Variants in NUP98 observed in about 807,000 individuals in gnomAD.
The protein encoded by NUP98 is nucleoporin 98 and 96 precursor.
NUP98 carries 26 observed loss-of-function variants against 191.9 expected under a neutral mutation model. The observed-to-expected ratio is 0.14, with a 90% CI of 0.10 to 0.19. The LOEUF is 0.19. Among genes scored for constraint, NUP98 ranks in the 10% least tolerant of loss-of-function variants. The pLI, the probability that NUP98 is intolerant of heterozygous loss-of-function variation, is 1.00. For synonymous variants in NUP98, 808 were observed against 778.4 expected (o/e 1.04, Z -0.63); for missense variants, 1,941 against 2,178.8 (o/e 0.89, Z 2.17).
At chr11:3,715,912 G>C (rs2079164807) in intron 18 of NUP98, among the ~76,000 whole-genome samples, 1 of 152,114 alleles carries the variant, frequency 6.6e-6, no homozygotes, top group African/African-American at 2.4e-5. Context: ...CATCTTCTTT[G>C]CTCATTTTTT....
intron 22 of NUP98, 133 bp from the exon 23 acceptor site, chr11:3,703,025 G>T: frequency 1.4e-6 from 1 of 739,338 alleles, no homozygotes; most frequent in Non-Finnish European, 2.1e-6. Context: ...AGATGTGGAT[G>T]ACCAGAAGCA....
At chr11:3,694,109 T>C (rs1005184913) in intron 26 of NUP98, among the ~76,000 whole-genome samples, 2 of 148,084 alleles carry the variant, frequency 1.4e-5, no homozygotes, top group African/African-American at 2.5e-5. Flanking sequence ...CAGTGGATCA[T>C]GCCTGTAATA....
intron 10 of NUP98, among the ~76,000 whole-genome samples, chr11:3,757,122 T>C: frequency 9.0e-6 from 1 of 111,260 alleles, no homozygotes. Context: ...TATATATCTA[T>C]ATCTATATCT....
chr11:3,704,266 T>C (rs1361873810), intron 22 of NUP98, among the ~76,000 whole-genome samples: 1 of 152,202 alleles, frequency 6.6e-6, no homozygotes, highest in Non-Finnish European at 1.5e-5. Flanking sequence ...TAAACAAATG[T>C]CTCTCTGCCA....
chr11:3,789,237 C>T (rs924933686), intron 1 of NUP98, among the ~76,000 whole-genome samples: 1 of 152,078 alleles, frequency 6.6e-6, no homozygotes, highest in African/African-American at 2.4e-5. Context: ...ATTTAAAAAG[C>T]ATAATAAATG....
chr11:3,702,997 A>C (rs1277378302), intron 22 of NUP98, 105 bp from the exon 23 acceptor site: 7 of 944,360 alleles, frequency 7.4e-6, no homozygotes, highest in Non-Finnish European at 1.1e-5. Context: ...TTCAATGTTT[A>C]ATCAAACTAC....
rs1398999733 is a variant in NUP98, at chr11:3,675,646, C to A, written c.*513G>T. 3 of 239,490 alleles carry A rather than the reference C, an allele frequency of 1.3e-5. No individual in the cohort carries two copies. The highest frequency in any genetic ancestry group is 2.9e-4 in the South Asian group (2 of 6,986). The allele number at this position is 239,490 out of a possible 1,614,324, so 14.8% of individuals were successfully genotyped here. On this transcript the variant is annotated 3_prime_UTR_variant, in exon 33 of 33. Transcript: ENST00000324932. ...ATTTTGTTTCCTAACTCAGGCCAAC[C>A]CTCCTTTGCCTCCAAAATTCAGTGT...
At chr11:3,739,486 A>G (rs2080198104) in intron 12 of NUP98, among the ~76,000 whole-genome samples, 1 of 152,126 alleles carries the variant, frequency 6.6e-6, no homozygotes, top group Non-Finnish European at 1.5e-5. Flanking sequence ...ACCTCAGGTG[A>G]TCCACCCGCC....
intron 23 of NUP98, 69 bp from the exon 24 acceptor site, chr11:3,700,908 C>T (rs1348952323): frequency 2.8e-5 from 28 of 989,580 alleles, no homozygotes; most frequent in Non-Finnish European, 4.1e-5. Context: ...TTACTTCAAC[C>T]AAACCACTGT....
chr11:3,743,104 C>T (rs2080346188), intron 12 of NUP98, among the ~76,000 whole-genome samples: 1 of 151,888 alleles, frequency 6.6e-6, no homozygotes, highest in Admixed American at 6.6e-5. Flanking sequence ...CTGTAACCTC[C>T]ACCTACCGGG....
chr11:3,722,832 C>CA (rs997224338), intron 16 of NUP98, among the ~76,000 whole-genome samples: 1 of 151,944 alleles, frequency 6.6e-6, no homozygotes, highest in Non-Finnish European at 1.5e-5. Context: ...AACAAACAAA[C>CA]AAAAAACAAT....
chr11:3,688,038 G>A (rs1019033850), intron 28 of NUP98, among the ~76,000 whole-genome samples: 1 of 152,186 alleles, frequency 6.6e-6, no homozygotes, highest in Non-Finnish European at 1.5e-5. Context: ...AAAAGTTCTG[G>A]AGAGGGTGGT....
At chr11:3,714,211 G>A (rs533224801) in intron 18 of NUP98, among the ~76,000 whole-genome samples, 1 of 152,254 alleles carries the variant, frequency 6.6e-6, no homozygotes, top group African/African-American at 2.4e-5. Context: ...GAGTCAGACT[G>A]CATTTATTTA....
intron 1 of NUP98, among the ~76,000 whole-genome samples, chr11:3,792,369 G>C (rs565530562): frequency 6.6e-6 from 1 of 152,102 alleles, no homozygotes; most frequent in Admixed American, 6.6e-5. Flanking sequence ...CAGCTCTTTA[G>C]GAGGCCGAGA....
At chr11:3,748,711 AAAAAG>A (rs1295323331) in intron 11 of NUP98, among the ~76,000 whole-genome samples, 1 of 152,006 alleles carries the variant, frequency 6.6e-6, no homozygotes, top group Non-Finnish European at 1.5e-5. Flanking sequence ...GCAAAAGAAA[AAAAAG>A]AAAAGAAAAG....
intron 11 of NUP98, among the ~76,000 whole-genome samples, chr11:3,749,049 C>T (rs2080626545): frequency 6.6e-6 from 1 of 152,012 alleles, no homozygotes; most frequent in Non-Finnish European, 1.5e-5. Flanking sequence ...TGGCTCACGC[C>T]TGTAATCCCA....
At chr11:3,705,513 G>C (rs2078833763) in intron 21 of NUP98, among the ~76,000 whole-genome samples, 157 bp from the exon 22 acceptor site, 1 of 152,228 alleles carries the variant, frequency 6.6e-6, no homozygotes, top group South Asian at 2.1e-4. Flanking sequence ...ATTACACTGT[G>C]TGTGCCTGAA....
chr11:3,754,511 T>G (rs894325331), intron 10 of NUP98, among the ~76,000 whole-genome samples: 3 of 152,156 alleles, frequency 2.0e-5, no homozygotes, highest in African/African-American at 7.2e-5. Context: ...AAAAATTACT[T>G]ACAAAACTTT....
intron 9 of NUP98, among the ~76,000 whole-genome samples, chr11:3,761,981 C>G (rs949372601): frequency 3.3e-5 from 5 of 152,030 alleles, no homozygotes; most frequent in African/African-American, 1.2e-4. Context: ...AACAGAAGTA[C>G]TAGAATGTCT....
Sources: gnomAD v4.1 joint callset for allele counts (sites outside exome capture counted in the v4.1 genomes callset) on GRCh38, gnomAD v4.1.1 for gene constraint, MANE v1.5 for transcripts, NCBI Gene and HGNC (gene_info 2026-07-23, HGNC 2026-07-21) for gene names.